The following JARID2 variants were observed in gnomAD, a reference collection of about 807,000 sequenced individuals.
JARID2 encodes the protein jumonji and AT-rich interaction domain containing 2, also known as protein Jumonji.
In JARID2, 21 loss-of-function variants were observed where a neutral mutation model predicts 125.6. That is an observed-to-expected ratio of 0.17 (90% CI 0.12 to 0.24). The LOEUF (loss-of-function observed/expected upper bound fraction) is 0.24, where lower values mean the gene tolerates loss of function less well. Ranked by LOEUF, JARID2 falls within the 10% of genes least tolerant of loss-of-function variation. JARID2 has a pLI of 1.00. For synonymous variants in JARID2, 736 were observed against 661.6 expected (o/e 1.11, Z -1.73); for missense variants, 1,303 against 1,639.6 (o/e 0.79, Z 3.55).
In JARID2 at chr6:15,254,201, C is replaced by T. The variant is rs150275185; in HGVS notation, c.45+7617C>T. ...AGTCATCATTGGAAGACTGACATCC[C>T]GTGTCCCTTGGGACTGGATGGTTTG... On this transcript the variant is annotated intron_variant, in intron 1 of 17. Transcript: ENST00000341776. 1.8e-3 allele frequency among the ~76,000 whole-genome samples: 273 copies of T among 152,304 alleles called. 1 individual carries two copies. Among genetic ancestry groups the T allele is most frequent in the African/African-American group, 5.6e-3 (234 of 41,564 alleles).
chr6:15,347,172 T>C (rs1296161157), intron 1 of JARID2, among the ~76,000 whole-genome samples: 2 of 152,202 alleles, frequency 1.3e-5, no homozygotes, highest in Non-Finnish European at 2.9e-5. Flanking sequence ...AGCTACTATA[T>C]ATTTAAGTAG....
chr6:15,506,131 C>A (rs1770994344), intron 9 of JARID2, among the ~76,000 whole-genome samples: 1 of 152,222 alleles, frequency 6.6e-6, no homozygotes, highest in Non-Finnish European at 1.5e-5. Flanking sequence ...AAACTTCAGG[C>A]CTGGATTGCC....
At chr6:15,311,742 T>C (rs1762021403) in intron 1 of JARID2, among the ~76,000 whole-genome samples, 1 of 152,040 alleles carries the variant, frequency 6.6e-6, no homozygotes, top group Non-Finnish European at 1.5e-5. Flanking sequence ...ACTGTTTTTT[T>C]TTTTTCTTTT....
At chr6:15,408,306 C>A (rs1333603460) in intron 2 of JARID2, among the ~76,000 whole-genome samples, 2 of 152,098 alleles carry the variant, frequency 1.3e-5, no homozygotes, top group Non-Finnish European at 2.9e-5. Flanking sequence ...TTACGATGTG[C>A]ATCCTCTTTT....
rs981351795 is a variant in JARID2 at position 15,294,584 on chromosome 6, G to T, written c.45+48000G>T. 1.1e-4 allele frequency among the ~76,000 whole-genome samples: 16 copies of T among 152,214 alleles called. 2 individuals are homozygous for T. Among genetic ancestry groups the T allele is most frequent in the Non-Finnish European group, 4.4e-5 (3 of 68,040 alleles). On this transcript the variant is annotated intron_variant, in intron 1 of 17. Coordinates refer to ENST00000341776, the MANE Select transcript of JARID2 (RefSeq NM_004973.4). ...CTAGCAAGTGAGGAGGAGTGAAAGTGCAGGGCCCAGTGCAGTGTTGTGTGT... is the reference window on the plus strand; with the variant it reads ...CTAGCAAGTGAGGAGGAGTGAAAGTTCAGGGCCCAGTGCAGTGTTGTGTGT...
chr6:15,392,360 G>T (rs1405762159), intron 2 of JARID2, among the ~76,000 whole-genome samples: 2 of 152,022 alleles, frequency 1.3e-5, no homozygotes, highest in Non-Finnish European at 2.9e-5. Flanking sequence ...ACCACCTCGA[G>T]CCATCTGCTG....
intron 5 of JARID2, among the ~76,000 whole-genome samples, chr6:15,483,919 TATG>T (rs1347681983): frequency 1.3e-5 from 2 of 152,198 alleles, no homozygotes; most frequent in Non-Finnish European, 2.9e-5. Context: ...TATCCATCTT[TATG>T]ATATGACTTT....
chr6:15,254,343 T>G (rs951558096), intron 1 of JARID2, among the ~76,000 whole-genome samples: 2 of 152,106 alleles, frequency 1.3e-5, no homozygotes, highest in African/African-American at 4.8e-5. Flanking sequence ...GCTGTTGACT[T>G]TTTCTTGTAC....
chr6:15,401,031 A>C (rs1274472568), intron 2 of JARID2: 1 of 1,289,310 alleles, frequency 7.8e-7, no homozygotes, highest in Non-Finnish European at 1.0e-6. Flanking sequence ...TGTTCCTATA[A>C]ATAAAAGACA....
At chr6:15,248,254 C>G (rs1232968098) in intron 1 of JARID2, 1 of 123,144 alleles carries the variant, frequency 8.1e-6, no homozygotes, top group Non-Finnish European at 1.7e-5. Flanking sequence ...CAGGCTGGGC[C>G]GGGGCTGGGC....
intron 1 of JARID2, among the ~76,000 whole-genome samples, chr6:15,314,026 GGCC>G (rs1762101510): frequency 2.0e-5 from 3 of 152,170 alleles, no homozygotes; most frequent in African/African-American, 7.2e-5. Flanking sequence ...CTGGACCCAA[GGCC>G]CAAGGTGTCC....
chr6:15,295,144 C>G (rs1309722310), intron 1 of JARID2, among the ~76,000 whole-genome samples: 1 of 125,848 alleles, frequency 7.9e-6, no homozygotes, highest in Non-Finnish European at 1.6e-5. Flanking sequence ...TTTTTTGAGA[C>G]GGAGTCTTGC....
intron 1 of JARID2, among the ~76,000 whole-genome samples, chr6:15,353,143 C>T (rs1471594533): frequency 6.6e-6 from 1 of 152,148 alleles, no homozygotes; most frequent in African/African-American, 2.4e-5. Flanking sequence ...TCAGAGCCAC[C>T]GTATCATTTT....
chr6:15,319,306 C>A (rs1483679619), intron 1 of JARID2, among the ~76,000 whole-genome samples: 1 of 152,146 alleles, frequency 6.6e-6, no homozygotes, highest in African/African-American at 2.4e-5. Flanking sequence ...AAAAGAGTTG[C>A]TCTGACAGCA....
chr6:15,487,299 C>T lies in JARID2; in HGVS notation c.671-8C>T, dbSNP rs201533813. 3.1e-6 allele frequency: 5 copies of T among 1,612,278 alleles called. No individual in the cohort carries two copies. In the East Asian group the frequency reaches 1.1e-4, roughly 36 times the overall value. ...TGATTTCATTCTTGTTTTCTCCTTC[C>T]TTTCTAGTTTTCAATGGTTCCAGCA... On this transcript the variant is annotated splice_region_variant and splice_polypyrimidine_tract_variant and intron_variant, in intron 5 of 17. Coordinates refer to ENST00000341776, the MANE Select transcript of JARID2 (RefSeq NM_004973.4).
At chr6:15,320,135 G>T (rs1762304072) in intron 1 of JARID2, among the ~76,000 whole-genome samples, 1 of 152,194 alleles carries the variant, frequency 6.6e-6, no homozygotes, top group South Asian at 2.1e-4. Context: ...ATCAGCTTCT[G>T]ATCTATGTGG....
At chr6:15,327,218 A>C (rs1762560179) in intron 1 of JARID2, among the ~76,000 whole-genome samples, 1 of 152,102 alleles carries the variant, frequency 6.6e-6, no homozygotes, top group African/African-American at 2.4e-5. Flanking sequence ...TAAATAGACA[A>C]ATAAAAATGG....
At chr6:15,382,817 G>A (rs1370161940) in intron 2 of JARID2, among the ~76,000 whole-genome samples, 1 of 152,194 alleles carries the variant, frequency 6.6e-6, no homozygotes, top group Non-Finnish European at 1.5e-5. Flanking sequence ...CCTCTTTCGG[G>A]TCACTTTGTG....
At chr6:15,345,817 T>C (rs1412611954) in intron 1 of JARID2, among the ~76,000 whole-genome samples, 1 of 152,200 alleles carries the variant, frequency 6.6e-6, no homozygotes, top group Non-Finnish European at 1.5e-5. Flanking sequence ...TGGGAGTCTG[T>C]TACTGGGTCA....
Sources: allele counts gnomAD v4.1 joint callset (sites outside exome capture counted in the v4.1 genomes callset), GRCh38; gene constraint gnomAD v4.1.1; transcripts MANE v1.5; gene names NCBI Gene and HGNC (gene_info 2026-07-23, HGNC 2026-07-21).